LRFN5: variants seen among roughly 807,000 people sequenced by gnomAD.
The protein encoded by LRFN5 is leucine rich repeat and fibronectin type III domain containing 5, also known as leucine-rich repeat and fibronectin type-III domain-containing protein 5.
In LRFN5, 24 loss-of-function variants were observed where a neutral mutation model predicts 45.6. The ratio of observed to expected loss-of-function variants is 0.53; its 90% CI spans 0.38 to 0.74. The LOEUF (loss-of-function observed/expected upper bound fraction) is 0.74, where lower values mean the gene tolerates loss of function less well. LRFN5 is among the 30% of genes least tolerant of loss of function. The pLI is 0.00. For synonymous variants in LRFN5, 340 were observed against 313.8 expected (o/e 1.08, Z -0.88); for missense variants, 776 against 861.5 (o/e 0.90, Z 1.24).
chr14:41,620,748 G>A (rs1888101047), intron 1 of LRFN5, among the ~76,000 whole-genome samples: 1 of 151,900 alleles, frequency 6.6e-6, no homozygotes, highest in South Asian at 2.1e-4. Flanking sequence ...TTTTCCCAAT[G>A]ATGTTGGGGA....
chr14:41,725,065 C>A (rs1216253770), intron 1 of LRFN5, among the ~76,000 whole-genome samples: 1 of 152,092 alleles, frequency 6.6e-6, no homozygotes, highest in African/African-American at 2.4e-5. Flanking sequence ...TTTTCCCTTT[C>A]TTGTTTCTTA....
intron 4 of LRFN5, chr14:41,892,704 G>C (rs1890825656): frequency 1.0e-6 from 1 of 985,116 alleles, no homozygotes; most frequent in Non-Finnish European, 1.2e-6. Context: ...CAACATCCTT[G>C]GTGCAGGTGC....
At chr14:41,805,667 T>C (rs985984823) in intron 2 of LRFN5, among the ~76,000 whole-genome samples, 1 of 151,660 alleles carries the variant, frequency 6.6e-6, no homozygotes. Flanking sequence ...GTTCATGTCC[T>C]TTGTAGGGAC....
chr14:41,858,218 G>A (rs778942916), intron 2 of LRFN5, among the ~76,000 whole-genome samples: 1 of 152,014 alleles, frequency 6.6e-6, no homozygotes, highest in Non-Finnish European at 1.5e-5. Flanking sequence ...GCAAGGCAGC[G>A]TCCATGCTCA....
intron 1 of LRFN5, among the ~76,000 whole-genome samples, chr14:41,655,009 T>TA (rs1880311222): frequency 6.6e-6 from 1 of 152,104 alleles, no homozygotes; most frequent in Non-Finnish European, 1.5e-5. Flanking sequence ...CCACTGCCTG[T>TA]GTCTCTTCAT....
At chr14:41,894,714 A>G in intron 4 of LRFN5, 1 of 985,228 alleles carries the variant, frequency 1.0e-6, no homozygotes, top group Non-Finnish European at 1.2e-6. Flanking sequence ...ATTGTTGCTT[A>G]GATGAATGAA....
intron 1 of LRFN5, among the ~76,000 whole-genome samples, chr14:41,754,601 T>C (rs999547842): frequency 6.6e-6 from 1 of 152,120 alleles, no homozygotes; most frequent in African/African-American, 2.4e-5. Flanking sequence ...TCTGTGAGAT[T>C]GGTGGTGATA....
At position 41,900,723 on chromosome 14, in the gene LRFN5, C is replaced by A. The variant is rs1891077074; in HGVS notation, c.2142+1763C>A. On this transcript the variant is annotated intron_variant, in intron 5 of 5. Transcript: ENST00000298119. ...TATCAGATTTAAGTTACTGTATGAC[C>A]CCAAGGTAACTATTCTTGATTCTCG... 2.6e-5 allele frequency among the ~76,000 whole-genome samples: 4 copies of A among 151,872 alleles called. No individual in the cohort carries two copies. In the South Asian group the frequency reaches 8.4e-4, roughly 32 times the overall value.
chr14:41,696,759 A>C (rs1882631068), intron 1 of LRFN5, among the ~76,000 whole-genome samples: 1 of 151,864 alleles, frequency 6.6e-6, no homozygotes, highest in South Asian at 2.1e-4. Flanking sequence ...GAGAAAAGCC[A>C]TTCTAACTGG....
chr14:41,740,932 C>G (rs1884663269), intron 1 of LRFN5, among the ~76,000 whole-genome samples: 2 of 151,844 alleles, frequency 1.3e-5, no homozygotes, highest in African/African-American at 2.4e-5. Context: ...AAACTAACAA[C>G]AAACTATCCA....
chr14:41,780,645 TA>T (rs1431899979), intron 2 of LRFN5, among the ~76,000 whole-genome samples: 1 of 152,172 alleles, frequency 6.6e-6, no homozygotes, highest in Non-Finnish European at 1.5e-5. Flanking sequence ...TTATGTATTT[TA>T]TTTGAAGAAT....
chr14:41,781,631 AAAG>A (rs1383231983), intron 2 of LRFN5, among the ~76,000 whole-genome samples: 11 of 143,826 alleles, frequency 7.6e-5, no homozygotes, highest in African/African-American at 1.3e-4. Flanking sequence ...AGAAAGAAAG[AAAG>A]GAAAGAAAGA....
chr14:41,893,361 C>A (rs1890844660), intron 4 of LRFN5: 2 of 872,990 alleles, frequency 2.3e-6, no homozygotes, highest in Non-Finnish European at 2.6e-6. Context: ...TATTAAAGAT[C>A]TATAAACAGT....
chr14:41,897,137 A>T (rs1250065500), intron 4 of LRFN5, among the ~76,000 whole-genome samples: 1 of 150,220 alleles, frequency 6.7e-6, no homozygotes, highest in Non-Finnish European at 1.5e-5. Flanking sequence ...AATAAATATT[A>T]AAAAATAGAG....
chr14:41,891,687 A>T lies in LRFN5; in HGVS notation c.1823A>T (p.Asp608Val). 6.2e-7 allele frequency: 1 copy of T among 1,614,232 alleles called. No homozygotes were observed. Residue 608 changes from aspartate to valine, a missense_variant, in exon 4 of 6, where the codon GAC (aspartate) becomes GTC (valine). Coordinates refer to ENST00000298119, the MANE Select transcript of LRFN5 (RefSeq NM_152447.5). The stretch of plus-strand genomic sequence containing the variant: ...GCCCAGTGTTGTAAAGCTACCAGTG[A>T]CAATGTGATTCAATCTTCAGAAACT... ...ENAQCCKATS[D>V]NVIQSSETCS...
intron 2 of LRFN5, among the ~76,000 whole-genome samples, chr14:41,797,765 G>A (rs1368331031): frequency 2.6e-5 from 4 of 151,592 alleles, no homozygotes; most frequent in Non-Finnish European, 4.4e-5. Flanking sequence ...TAACATCCCA[G>A]TGATATTCAT....
At chr14:41,710,501 A>G (rs1380164042) in intron 1 of LRFN5, among the ~76,000 whole-genome samples, 3 of 152,168 alleles carry the variant, frequency 2.0e-5, no homozygotes, top group African/African-American at 2.4e-5. Context: ...GAGTAACAGC[A>G]TAAGATACTG....
intron 2 of LRFN5, among the ~76,000 whole-genome samples, chr14:41,826,627 A>T (rs938645739): frequency 2.6e-5 from 4 of 152,212 alleles, no homozygotes; most frequent in African/African-American, 9.6e-5. Flanking sequence ...ATATGTCATT[A>T]TTGTAGGTTT....
At chr14:41,756,487 ACTTGT>A (rs1230535256) in intron 1 of LRFN5, among the ~76,000 whole-genome samples, 2 of 151,630 alleles carry the variant, frequency 1.3e-5, no homozygotes, top group Admixed American at 1.3e-4. Flanking sequence ...TTTTCTCTAA[ACTTGT>A]CTTCTCGCTT....
Sources: gnomAD v4.1 joint callset for allele counts (sites outside exome capture counted in the v4.1 genomes callset) on GRCh38, gnomAD v4.1.1 for gene constraint, MANE v1.5 for transcripts, NCBI Gene and HGNC (gene_info 2026-07-23, HGNC 2026-07-21) for gene names.